OPCML: variants seen among roughly 807,000 people sequenced by gnomAD.
OPCML encodes opioid-binding protein/cell adhesion molecule.
A neutral mutation model predicts 37.8 loss-of-function variants in OPCML; 13 were observed. The observed-to-expected ratio is 0.34, with a 90% CI of 0.22 to 0.55. The LOEUF (loss-of-function observed/expected upper bound fraction) is 0.55. Among genes scored for constraint, OPCML ranks in the 20% least tolerant of loss-of-function variants. The pLI is 0.91. For missense variants in OPCML, 341 were observed against 435.6 expected (o/e 0.78, Z 1.93); for synonymous variants, 176 against 168.8 (o/e 1.04, Z -0.33).
chr11:132,706,272 G>A (rs188584973), intron 2 of OPCML, among the ~76,000 whole-genome samples: 80 of 152,188 alleles, frequency 5.3e-4, no homozygotes, highest in Non-Finnish European at 9.6e-4. Context: ...AATTAAAAGG[G>A]CCAAAAAAGT....
Position 133,068,496 on chromosome 11 carries a change from C to G in OPCML, c.62-125486G>C, listed in dbSNP as rs139899944. ...CATTCTTCATCAAAATTCATGTGCT[C>G]TGTTCTCTCATCGCTCCCCTGTTTA... is the stretch of plus-strand genomic sequence containing the variant. On this transcript the variant is annotated intron_variant, in intron 1 of 7. Transcript: ENST00000524381. 6.4e-4 allele frequency among the ~76,000 whole-genome samples: 98 copies of G among 152,308 alleles called. 1 individual carries two copies. Among genetic ancestry groups the G allele is most frequent in the Middle Eastern group, 6.8e-3 (2 of 294 alleles).
intron 4 of OPCML, among the ~76,000 whole-genome samples, chr11:132,441,814 C>T (rs1391649878): frequency 6.6e-6 from 1 of 152,190 alleles, no homozygotes; most frequent in East Asian, 1.9e-4. Flanking sequence ...GTTGTTGCCT[C>T]AGATGCAGGT....
At chr11:133,175,067 G>A (rs765898713) in intron 1 of OPCML, among the ~76,000 whole-genome samples, 4 of 152,188 alleles carry the variant, frequency 2.6e-5, no homozygotes, top group African/African-American at 7.2e-5. Context: ...TTATGCCCCT[G>A]CACGCCTTGT....
intron 2 of OPCML, among the ~76,000 whole-genome samples, chr11:132,875,577 G>A (rs1344763656): frequency 6.6e-6 from 1 of 150,908 alleles, no homozygotes; most frequent in Admixed American, 6.6e-5. Flanking sequence ...CAATTCTCCT[G>A]CCTCAGCCTC....
intron 4 of OPCML, among the ~76,000 whole-genome samples, chr11:132,483,854 G>T (rs1284178423): frequency 1.3e-5 from 2 of 151,734 alleles, no homozygotes; most frequent in Non-Finnish European, 2.9e-5. Context: ...TGGGAAAACT[G>T]GCTAGCCATA....
chr11:132,755,328 A>G (rs1280554592), intron 2 of OPCML, among the ~76,000 whole-genome samples: 1 of 152,206 alleles, frequency 6.6e-6, no homozygotes, highest in Non-Finnish European at 1.5e-5. Flanking sequence ...TTCTACAGAA[A>G]CACAATATGG....
At chr11:132,772,351 T>G (rs1357220434) in intron 2 of OPCML, 1 of 152,232 alleles carries the variant, frequency 6.6e-6, no homozygotes, top group African/African-American at 2.4e-5. Context: ...GTGCACATGC[T>G]GGCGACGAAT....
chr11:132,507,252 G>A (rs1324367244), intron 4 of OPCML, among the ~76,000 whole-genome samples: 1 of 151,820 alleles, frequency 6.6e-6, no homozygotes, highest in Non-Finnish European at 1.5e-5. Context: ...TTAAAATCCG[G>A]TATTACTCAT....
At chr11:133,068,681 C>G (rs1469198371) in intron 1 of OPCML, among the ~76,000 whole-genome samples, 1 of 152,168 alleles carries the variant, frequency 6.6e-6, no homozygotes, top group Non-Finnish European at 1.5e-5. Flanking sequence ...GTCCTTGACA[C>G]ATAAATGCTG....
intron 3 of OPCML, among the ~76,000 whole-genome samples, chr11:132,570,194 A>C (rs2096434046): frequency 6.6e-6 from 1 of 152,234 alleles, no homozygotes. Flanking sequence ...TCACTGAAAT[A>C]CAGTCACATT....
chr11:133,093,926 A>G (rs1276393999), intron 1 of OPCML, among the ~76,000 whole-genome samples: 1 of 152,214 alleles, frequency 6.6e-6, no homozygotes, highest in Non-Finnish European at 1.5e-5. Context: ...GAGGAAATAT[A>G]AAATTAAGTC....
At chr11:132,530,528 C>G (rs2096321828) in intron 3 of OPCML, among the ~76,000 whole-genome samples, 1 of 152,070 alleles carries the variant, frequency 6.6e-6, no homozygotes, top group African/African-American at 2.4e-5. Flanking sequence ...AAACTGCTGT[C>G]CTCCTTACTC....
intron 4 of OPCML, among the ~76,000 whole-genome samples, chr11:132,477,052 T>C (rs2096158871): frequency 6.6e-6 from 1 of 152,160 alleles, no homozygotes; most frequent in Non-Finnish European, 1.5e-5. Flanking sequence ...TTTTATAAGA[T>C]TTTTAAACAC....
At chr11:133,123,109 T>A (rs1159150625) in intron 1 of OPCML, among the ~76,000 whole-genome samples, 1 of 152,196 alleles carries the variant, frequency 6.6e-6, no homozygotes, top group East Asian at 1.9e-4. Context: ...GAGCAGTGCA[T>A]ACACTGTGAC....
intron 2 of OPCML, among the ~76,000 whole-genome samples, chr11:132,802,776 G>C (rs12360671): frequency 0.52 from 79,214 of 151,884 alleles, 21,441 homozygotes; most frequent in African/African-American, 0.66. Context: ...AGTTTCCAGG[G>C]CCATAGTAGA....
At position 133,302,360 on chromosome 11, in the gene OPCML, T is replaced by C. The variant is rs147039620; in HGVS notation, c.61+229904A>G. On this transcript the variant is annotated intron_variant, in intron 1 of 7. Transcript: ENST00000524381. ...TCTCATTCTCTCTCCTGCCACCCTGTGAAGAGGTGCCTTCCACCATGATTG... is the reference window on the plus strand; with the variant it reads ...TCTCATTCTCTCTCCTGCCACCCTGCGAAGAGGTGCCTTCCACCATGATTG... 1,002 of 153,424 alleles carry C rather than the reference T, an allele frequency of 6.5e-3. 9 individuals are homozygous for C. The highest frequency in any genetic ancestry group is 0.017 in the African/African-American group (718 of 41,588). 9.5% of individuals were successfully genotyped at this position (153,424 alleles called of 1,614,324 possible).
At chr11:132,944,441 G>T (rs1945696831) in intron 1 of OPCML, among the ~76,000 whole-genome samples, 1 of 152,172 alleles carries the variant, frequency 6.6e-6, no homozygotes, top group African/African-American at 2.4e-5. Context: ...CCGCGCAGAG[G>T]TGGAGTGCAC....
At chr11:132,821,151 T>G (rs549815640) in intron 2 of OPCML, among the ~76,000 whole-genome samples, 3 of 152,226 alleles carry the variant, frequency 2.0e-5, no homozygotes, top group Non-Finnish European at 4.4e-5. Context: ...GAGATTCATA[T>G]GCATCTCCAG....
At chr11:133,002,866 A>G (rs77063048) in intron 1 of OPCML, among the ~76,000 whole-genome samples, 3,035 of 152,208 alleles carry the variant, frequency 0.02, 89 homozygotes, top group African/African-American at 0.069. Flanking sequence ...ACTTTGCACA[A>G]TGCTGGGCAG....
Sources: gnomAD v4.1 joint callset for allele counts (sites outside exome capture counted in the v4.1 genomes callset) on GRCh38, gnomAD v4.1.1 for gene constraint, MANE v1.5 for transcripts, NCBI Gene and HGNC (gene_info 2026-07-23, HGNC 2026-07-21) for gene names.